The following CNTN5 variants were observed in gnomAD, a reference collection of about 807,000 sequenced individuals.
CNTN5 encodes the protein contactin 5, also known as contactin-5.
Under a neutral mutation model 129.1 loss-of-function variants are expected in CNTN5, and 77 were observed. The observed-to-expected ratio is 0.60, with a 90% CI of 0.50 to 0.72. The LOEUF is 0.72. Among genes scored for constraint, CNTN5 ranks in the 30% least tolerant of loss-of-function variants. The pLI, the probability that CNTN5 is intolerant of heterozygous loss-of-function variation, is 0.00. For synonymous variants in CNTN5, 509 were observed against 465.6 expected (o/e 1.09, Z -1.20); for missense variants, 1,478 against 1,328.8 (o/e 1.11, Z -1.75).
chr11:99,269,880 A>T (rs1863093648), intron 1 of CNTN5, among the ~76,000 whole-genome samples: 1 of 151,920 alleles, frequency 6.6e-6, no homozygotes, highest in Admixed American at 6.6e-5. Context: ...ATTATAATTG[A>T]TACTATGTTA....
At chr11:99,081,151 C>A (rs1865779475) in intron 1 of CNTN5, among the ~76,000 whole-genome samples, 1 of 152,062 alleles carries the variant, frequency 6.6e-6, no homozygotes, top group South Asian at 2.1e-4. Context: ...TCCCATTGTA[C>A]ATTGCTTTTT....
chr11:99,118,240 C>T (rs1281508161), intron 1 of CNTN5, among the ~76,000 whole-genome samples: 2 of 151,920 alleles, frequency 1.3e-5, no homozygotes, highest in African/African-American at 4.8e-5. Flanking sequence ...TACTAGCCAA[C>T]CCTTGGCTAG....
chr11:99,430,890 G>A (rs893493173), intron 2 of CNTN5, among the ~76,000 whole-genome samples: 1 of 151,854 alleles, frequency 6.6e-6, no homozygotes, highest in African/African-American at 2.4e-5. Flanking sequence ...TGTCATTGCT[G>A]TTTCTGGAAG....
chr11:99,463,707 ATTTG>A (rs1944823976), intron 2 of CNTN5, among the ~76,000 whole-genome samples: 1 of 152,112 alleles, frequency 6.6e-6, no homozygotes, highest in African/African-American at 2.4e-5. Flanking sequence ...GATTTGTAAT[ATTTG>A]TTTGACTAAA....
In CNTN5 at chr11:99,136,123, T is replaced by A. The variant is rs557810848; in HGVS notation, c.-210+114853T>A. ...CTTTCTTATAATGTAAGGCCAGGTATTCTAATTATACTCTTACCTGGCCAT... is the reference window on the plus strand; with the variant it reads ...CTTTCTTATAATGTAAGGCCAGGTAATCTAATTATACTCTTACCTGGCCAT... On this transcript the variant is annotated intron_variant, in intron 1 of 24. Coordinates refer to ENST00000524871, the MANE Select transcript of CNTN5 (RefSeq NM_014361.4). 4.6e-5 allele frequency among the ~76,000 whole-genome samples: 7 copies of A among 152,292 alleles called. No individual in the cohort carries two copies. The East Asian group carries it at 9.7e-4, about 21-fold the overall frequency.
intron 2 of CNTN5, among the ~76,000 whole-genome samples, chr11:99,363,061 C>A (rs972160628): frequency 6.6e-6 from 1 of 151,854 alleles, no homozygotes; most frequent in African/African-American, 2.4e-5. Context: ...AAAAAAAATC[C>A]GTAGGATTTT....
At chr11:99,647,545 C>T (rs756549898) in intron 3 of CNTN5, among the ~76,000 whole-genome samples, 2 of 151,680 alleles carry the variant, frequency 1.3e-5, no homozygotes, top group South Asian at 4.1e-4. Context: ...TCCATACAAA[C>T]GTTAATTTTT....
intron 6 of CNTN5, among the ~76,000 whole-genome samples, chr11:99,907,630 G>C (rs1349158161): frequency 6.6e-6 from 1 of 151,172 alleles, no homozygotes; most frequent in Non-Finnish European, 1.5e-5. Context: ...ACTATAAAAG[G>C]CTTTAAAATG....
At chr11:99,462,466 G>A (rs946996606) in intron 2 of CNTN5, among the ~76,000 whole-genome samples, 9 of 146,438 alleles carry the variant, frequency 6.1e-5, no homozygotes, top group Admixed American at 3.5e-4. Flanking sequence ...TTATATTGAT[G>A]TGCCCTGGAA....
chr11:99,875,702 A>C (rs961800880), intron 6 of CNTN5, among the ~76,000 whole-genome samples: 1 of 151,896 alleles, frequency 6.6e-6, no homozygotes, highest in East Asian at 2.0e-4. Context: ...CTCTTTCCAA[A>C]TTGTCTTGCT....
At chr11:100,030,944 T>A (rs756969846) in intron 9 of CNTN5, among the ~76,000 whole-genome samples, 4 of 152,094 alleles carry the variant, frequency 2.6e-5, no homozygotes, top group Non-Finnish European at 5.9e-5. Context: ...TGAATTAAGG[T>A]CTAAATAGAT....
chr11:99,600,664 T>C (rs573103010), intron 3 of CNTN5, among the ~76,000 whole-genome samples: 2 of 152,250 alleles, frequency 1.3e-5, no homozygotes, highest in African/African-American at 4.8e-5. Context: ...ACCAGCTCAA[T>C]AGGAAGATGG....
intron 8 of CNTN5, among the ~76,000 whole-genome samples, chr11:99,988,319 C>T (rs1160679857): frequency 1.3e-5 from 2 of 151,986 alleles, no homozygotes; most frequent in Admixed American, 1.3e-4. Context: ...CGTTTTTTGC[C>T]CAGAGTTATG....
At chr11:99,097,653 C>T (rs1273526158) in intron 1 of CNTN5, among the ~76,000 whole-genome samples, 1 of 151,748 alleles carries the variant, frequency 6.6e-6, no homozygotes, top group Non-Finnish European at 1.5e-5. Flanking sequence ...TCACCAAAAC[C>T]TTTATATCTA....
intron 1 of CNTN5, among the ~76,000 whole-genome samples, chr11:99,195,864 ATTTTAC>A (rs575958125): frequency 2.6e-4 from 39 of 152,112 alleles, no homozygotes; most frequent in African/African-American, 9.1e-4. Context: ...ATTTATTTAT[ATTTTAC>A]TTTAACTTAA....
chr11:100,271,169 G>A lies in CNTN5; in HGVS notation c.2242G>A (p.Val748Met). 6.2e-7 allele frequency: 1 copy of A among 1,613,270 alleles called. No homozygotes were observed. The highest frequency in any genetic ancestry group is 8.5e-7 in the Non-Finnish European group (1 of 1,179,600). The change falls in exon 18 of 25, where the codon GTG (valine) becomes ATG (methionine). Residue 748 changes from valine (V) to methionine (M), a missense_variant. Val to Met is a conservative substitution (Grantham distance 21). Transcript: ENST00000524871. ...LNPWVEYEFR[V>M]VATNPIGTGD... ...TCCCTGGGTGGAATATGAATTTCGAGTGGTAGCCACCAACCCTATTGGGAC... is the reference window on the plus strand; with the variant it reads ...TCCCTGGGTGGAATATGAATTTCGAATGGTAGCCACCAACCCTATTGGGAC...
At chr11:99,291,862 T>C (rs1864184421) in intron 1 of CNTN5, among the ~76,000 whole-genome samples, 1 of 151,850 alleles carries the variant, frequency 6.6e-6, no homozygotes, top group African/African-American at 2.4e-5. Flanking sequence ...GATATATTCA[T>C]ACAAAGAAAA....
At chr11:99,263,673 G>A (rs1025644089) in intron 1 of CNTN5, among the ~76,000 whole-genome samples, 4 of 152,096 alleles carry the variant, frequency 2.6e-5, no homozygotes, top group Admixed American at 2.6e-4. Context: ...TGGGAGGGCA[G>A]TGGTGTGATC....
At chr11:100,069,285 T>C (rs12808229) in intron 10 of CNTN5, among the ~76,000 whole-genome samples, 1 of 152,144 alleles carries the variant, frequency 6.6e-6, no homozygotes, top group Non-Finnish European at 1.5e-5. Flanking sequence ...TCCAAGTGGC[T>C]GGACCGATAG....
Sources: gnomAD v4.1 joint callset for allele counts (sites outside exome capture counted in the v4.1 genomes callset) on GRCh38, gnomAD v4.1.1 for gene constraint, MANE v1.5 for transcripts, NCBI Gene and HGNC (gene_info 2026-07-23, HGNC 2026-07-21) for gene names.